Variants in NT5C2 observed in about 807,000 individuals in gnomAD.
NT5C2 encodes the protein cytosolic purine 5'-nucleotidase.
Under a neutral mutation model 76.1 loss-of-function variants are expected in NT5C2, and 58 were observed. The observed-to-expected ratio is 0.76, with a 90% CI of 0.62 to 0.95. The LOEUF (loss-of-function observed/expected upper bound fraction) is 0.95, where lower values mean the gene tolerates loss of function less well. Ranked by LOEUF, NT5C2 falls within the 40% of genes least tolerant of loss-of-function variation. The probability of loss-of-function intolerance (pLI) is 0.00; values close to 1 mark genes in which losing one functional copy is unlikely to be tolerated. For missense variants in NT5C2, 478 were observed against 690.3 expected (o/e 0.69, Z 3.45); for synonymous variants, 229 against 237.4 (o/e 0.96, Z 0.32).
intron 4 of NT5C2, among the ~76,000 whole-genome samples, chr10:103,108,843 CTTTTT>C (rs925021409): frequency 6.7e-6 from 1 of 149,824 alleles, no homozygotes; most frequent in African/African-American, 2.4e-5. Flanking sequence ...CCCTGGCTAA[CTTTTT>C]TTTTTCTTTT....
intron 3 of NT5C2, among the ~76,000 whole-genome samples, chr10:103,166,059 A>G (rs765242096): frequency 6.6e-6 from 1 of 152,288 alleles, no homozygotes; most frequent in Non-Finnish European, 1.5e-5. Context: ...CAGAGATTTC[A>G]TGAACCCTTC....
chr10:103,139,266 C>CT, intron 4 of NT5C2, 140 bp downstream of exon 4: 2 of 505,386 alleles, frequency 4.0e-6, no homozygotes, highest in Non-Finnish European at 7.0e-6. Context: ...ACAAATCTTA[C>CT]TGGAAGCAAC....
intron 2 of NT5C2, among the ~76,000 whole-genome samples, chr10:103,179,877 C>T (rs899807852): frequency 6.6e-6 from 1 of 152,092 alleles, no homozygotes; most frequent in Non-Finnish European, 1.5e-5. Flanking sequence ...TAATTTAAGT[C>T]CCTCTTCATG....
intron 3 of NT5C2, among the ~76,000 whole-genome samples, chr10:103,158,209 A>G (rs992765167): frequency 1.3e-5 from 2 of 152,164 alleles, no homozygotes; most frequent in African/African-American, 4.8e-5. Context: ...TAACAAAATC[A>G]TTGGGGTACA....
intron 16 of NT5C2, 89 bp from the exon 17 acceptor site, chr10:103,091,085 A>C: frequency 8.4e-7 from 1 of 1,185,292 alleles, no homozygotes; most frequent in Non-Finnish European, 1.2e-6. Flanking sequence ...CTCAGGCTGG[A>C]GTGCAGGGGT....
chr10:103,170,218 G>T (rs901539173), intron 3 of NT5C2, among the ~76,000 whole-genome samples: 8 of 152,178 alleles, frequency 5.3e-5, no homozygotes, highest in Admixed American at 5.2e-4. Flanking sequence ...GCTGTGGCAG[G>T]TGGATTGCTT....
chr10:103,185,446 G>A (rs1181346749), intron 1 of NT5C2, among the ~76,000 whole-genome samples: 1 of 151,796 alleles, frequency 6.6e-6, no homozygotes, highest in Admixed American at 6.6e-5. Flanking sequence ...AGGAGTTCGA[G>A]ACCAGCCTAA....
intron 3 of NT5C2, chr10:103,153,256 A>G: frequency 7.9e-7 from 1 of 1,268,558 alleles, no homozygotes; most frequent in Non-Finnish European, 1.0e-6. Flanking sequence ...CTTCACTGAG[A>G]AAAATGAAAG....
intron 1 of NT5C2, among the ~76,000 whole-genome samples, chr10:103,184,478 C>T (rs1354211476): frequency 6.6e-6 from 1 of 152,188 alleles, no homozygotes; most frequent in South Asian, 2.1e-4. Context: ...ATAACCCTTA[C>T]ATTTGACAGT....
At chr10:103,117,076 A>G (rs1195281698) in intron 4 of NT5C2, among the ~76,000 whole-genome samples, 3 of 152,198 alleles carry the variant, frequency 2.0e-5, no homozygotes, top group African/African-American at 7.2e-5. Flanking sequence ...AAATTTTTAA[A>G]TAAGGGACGA....
chr10:103,174,812 C>G, intron 3 of NT5C2, 46 bp downstream of exon 3: 1 of 1,219,756 alleles, frequency 8.2e-7, no homozygotes, highest in Non-Finnish European at 1.2e-6. Context: ...AAATGAAGTC[C>G]CACTTCATAG....
chr10:103,125,288 G>T, intron 4 of NT5C2: 14 of 563,674 alleles, frequency 2.5e-5, no homozygotes, highest in South Asian at 5.2e-5. Context: ...ATGCTTCATT[G>T]TCACAGTTAA....
chr10:103,094,536 G>T, intron 12 of NT5C2, 81 bp from the exon 13 acceptor site: 1 of 754,798 alleles, frequency 1.3e-6, no homozygotes, highest in Non-Finnish European at 2.4e-6. Flanking sequence ...CAGATGCAAG[G>T]AATATAAAAA....
At chr10:103,096,675 C>A (rs71471266) in intron 11 of NT5C2, among the ~76,000 whole-genome samples, 1 of 151,702 alleles carries the variant, frequency 6.6e-6, no homozygotes, top group East Asian at 1.9e-4. Flanking sequence ...AAAACCTCGT[C>A]TCTACTAAAA....
intron 3 of NT5C2, among the ~76,000 whole-genome samples, chr10:103,155,180 G>C (rs1212128359): frequency 1.3e-5 from 2 of 152,186 alleles, no homozygotes; most frequent in African/African-American, 4.8e-5. Flanking sequence ...AAGCTAGTGA[G>C]AAGGTCCATT....
intron 3 of NT5C2, among the ~76,000 whole-genome samples, chr10:103,142,727 G>A (rs1034058183): frequency 6.6e-6 from 1 of 152,126 alleles, no homozygotes; most frequent in Admixed American, 6.5e-5. Flanking sequence ...GCTCACGCCT[G>A]TAATTCCAAC....
chr10:103,143,099 G>A (rs2080822463), intron 3 of NT5C2, among the ~76,000 whole-genome samples: 1 of 152,084 alleles, frequency 6.6e-6, no homozygotes, highest in East Asian at 1.9e-4. Context: ...CAGCTTGGTA[G>A]CCAAAGTTAA....
intron 3 of NT5C2, among the ~76,000 whole-genome samples, chr10:103,172,131 A>AG (rs1396776887): frequency 8.5e-5 from 13 of 152,070 alleles, no homozygotes; most frequent in African/African-American, 3.1e-4. Context: ...AATCGCTTGA[A>AG]CCTGGGAGGC....
intron 1 of NT5C2, among the ~76,000 whole-genome samples, chr10:103,184,960 T>C (rs996453891): frequency 6.6e-6 from 1 of 152,042 alleles, no homozygotes; most frequent in Non-Finnish European, 1.5e-5. Flanking sequence ...AACTAGAAAC[T>C]ACAAATTTAT....
Sources: allele counts gnomAD v4.1 joint callset (sites outside exome capture counted in the v4.1 genomes callset), GRCh38; gene constraint gnomAD v4.1.1; transcripts MANE v1.5; gene names NCBI Gene and HGNC (gene_info 2026-07-23, HGNC 2026-07-21).